AMMECR1: variants seen among roughly 807,000 people sequenced by gnomAD.
The protein encoded by AMMECR1 is nuclear protein AMMECR1.
A neutral mutation model predicts 22.5 loss-of-function variants in AMMECR1; 3 were observed. The observed-to-expected ratio is 0.13, with a 90% confidence interval of 0.06 to 0.35. The LOEUF (loss-of-function observed/expected upper bound fraction) is 0.35, where lower values mean the gene tolerates loss of function less well. AMMECR1 is among the 10% of genes least tolerant of loss of function. AMMECR1 has a pLI of 1.00. For synonymous variants in AMMECR1, 130 were observed against 116.7 expected, an observed-to-expected ratio of 1.11 and a Z score of -0.74; for missense variants, 235 against 278.7, an observed-to-expected ratio of 0.84 and a Z score of 1.12.
At chrX:110,344,565 G>C (rs772477254) in intron 2 of AMMECR1, among the ~76,000 whole-genome samples, 3 of 110,656 alleles carry the variant, frequency 2.7e-5, no homozygotes, top group Non-Finnish European at 5.6e-5. Flanking sequence ...GCAACCTATG[G>C]AATGGGAGAA....
At chrX:110,389,062 A>G (rs187393497) in intron 2 of AMMECR1, among the ~76,000 whole-genome samples, 2 of 112,505 alleles carry the variant, frequency 1.8e-5, no homozygotes, top group African/African-American at 6.5e-5. Flanking sequence ...AGATATTAAT[A>G]GGTAGGCAAT....
rs1232025318 is a variant in AMMECR1 at position 110,344,666 on chromosome X, C to T, written c.-147-26817G>A. ...TTCACAAGAAAAAAACAAACAACCC[C>T]ATCAAAAAGTGGGCAAAGGATATGA... On this transcript the variant is annotated intron_variant, in intron 2 of 7. Coordinates refer to the AMMECR1 transcript ENST00000372057. Among the ~76,000 whole-genome samples the T allele has an allele frequency of 3.6e-5, 4 of 111,250 alleles. No homozygotes were observed. The East Asian group carries it at 1.1e-3, about 31-fold the overall frequency.
chrX:110,352,057 C>T (rs61521550), intron 2 of AMMECR1, among the ~76,000 whole-genome samples: 6,954 of 111,428 alleles, frequency 0.062, 531 homozygotes, highest in African/African-American at 0.21. Context: ...GTGGCTATAA[C>T]TTTTTTTAAA....
chrX:110,404,262 C>T (rs1201835160), intron 2 of AMMECR1, among the ~76,000 whole-genome samples: 2 of 111,686 alleles, frequency 1.8e-5, no homozygotes, highest in South Asian at 7.6e-4. Flanking sequence ...TTTCCAATCC[C>T]TTAATCGTCT....
intron 2 of AMMECR1, among the ~76,000 whole-genome samples, chrX:110,337,935 A>G (rs769214245): frequency 8.9e-6 from 1 of 112,510 alleles, no homozygotes; most frequent in African/African-American, 3.2e-5. Flanking sequence ...AACCTTGAGG[A>G]CATTATGCTA....
At chrX:110,381,907 A>C (rs1019702617) in intron 2 of AMMECR1, among the ~76,000 whole-genome samples, 3 of 111,296 alleles carry the variant, frequency 2.7e-5, no homozygotes, top group African/African-American at 9.8e-5. Context: ...TAAGGACTCC[A>C]AAAACTATCT....
intron 2 of AMMECR1, among the ~76,000 whole-genome samples, chrX:110,339,401 T>TAAAAAAA (rs10664998): frequency 2.0e-5 from 1 of 48,958 alleles, no homozygotes; most frequent in Non-Finnish European, 3.9e-5. Flanking sequence ...TGGTTTGTTG[T>TAAAAAAA]AAAAAAAAAA....
upstream of AMMECR1, chrX:110,318,097 G>A: frequency 8.7e-7 from 1 of 1,147,918 alleles, no homozygotes; most frequent in Admixed American, 2.5e-5. Context: ...CCCACGCAGC[G>A]TTTCCGACCC....
intron 2 of AMMECR1, among the ~76,000 whole-genome samples, chrX:110,258,610 A>T (rs141278866): frequency 0.012 from 1,357 of 112,184 alleles, 23 homozygotes; most frequent in African/African-American, 0.04. Flanking sequence ...TGTAAATTAA[A>T]CTAATTAATT....
intron 2 of AMMECR1, among the ~76,000 whole-genome samples, chrX:110,422,846 G>C (rs1018899277): frequency 8.9e-6 from 1 of 112,219 alleles, no homozygotes; most frequent in African/African-American, 3.2e-5. Context: ...TTGCCTTGGC[G>C]AACAGCCAAT....
intron 2 of AMMECR1, among the ~76,000 whole-genome samples, chrX:110,378,360 G>A (rs1288661629): frequency 9.0e-6 from 1 of 110,992 alleles, no homozygotes; most frequent in African/African-American, 3.3e-5. Flanking sequence ...TGACTGTTGC[G>A]ATAGCCTCCT....
At chrX:110,337,927 C>T (rs896843654) in intron 2 of AMMECR1, among the ~76,000 whole-genome samples, 1 of 112,071 alleles carries the variant, frequency 8.9e-6, no homozygotes, top group Non-Finnish European at 1.9e-5. Flanking sequence ...CATGGGTGAA[C>T]CTTGAGGACA....
chrX:110,196,339 G>C lies in AMMECR1; in HGVS notation c.*2181C>G, dbSNP rs1602768912. The C allele has an allele frequency of 2.7e-5, 3 of 110,335 alleles. No individual in the cohort carries two copies. In the South Asian group the frequency reaches 1.1e-3, roughly 42 times the overall value. The allele number at this position is 110,335 out of a possible 1,213,427, so 9.1% of individuals were successfully genotyped here. A position where few individuals can be genotyped will look rare whatever the true frequency, so the allele number is the denominator to read the frequency against. On this transcript the variant is annotated 3_prime_UTR_variant, in exon 6 of 6. Transcript: ENST00000262844. ...TTTCACGATAATATTGGTCTATTTT[G>C]TCTCTCTTCAGTTTGCTTGTTTTAT...
At chrX:110,306,480 C>T (rs1048368179) in intron 1 of AMMECR1, among the ~76,000 whole-genome samples, 4 of 109,823 alleles carry the variant, frequency 3.6e-5, no homozygotes, top group Non-Finnish European at 3.8e-5. Flanking sequence ...ATTTTTGAGA[C>T]GGAGTTTCAG....
chrX:110,344,177 A>T (rs1206441777), intron 2 of AMMECR1, among the ~76,000 whole-genome samples: 1 of 112,017 alleles, frequency 8.9e-6, no homozygotes, highest in African/African-American at 3.2e-5. Flanking sequence ...CAGAGCCCTC[A>T]GAAATAATAC....
chrX:110,260,514 T>G (rs2067734987), intron 2 of AMMECR1, among the ~76,000 whole-genome samples: 1 of 110,436 alleles, frequency 9.1e-6, no homozygotes, highest in African/African-American at 3.3e-5. Context: ...ACAAGTACTT[T>G]AATTCTAAAA....
At chrX:110,326,419 C>T (rs2068098069) in intron 2 of AMMECR1, among the ~76,000 whole-genome samples, 3 of 111,927 alleles carry the variant, frequency 2.7e-5, no homozygotes, top group African/African-American at 9.7e-5. Context: ...TTGTGAATTT[C>T]CCAAATTTCC....
At chrX:110,325,180 C>G (rs2068093314) in intron 2 of AMMECR1, among the ~76,000 whole-genome samples, 1 of 111,570 alleles carries the variant, frequency 9.0e-6, no homozygotes, top group African/African-American at 3.3e-5. Context: ...ATTTTTTATG[C>G]ATTCATAGTG....
At chrX:110,288,935 C>T (rs905449856) in intron 1 of AMMECR1, among the ~76,000 whole-genome samples, 7 of 111,467 alleles carry the variant, frequency 6.3e-5, no homozygotes, top group African/African-American at 2.3e-4. Flanking sequence ...AATTTTAAGC[C>T]ACTCCACTCT....
Sources: gnomAD v4.1 joint callset for allele counts (sites outside exome capture counted in the v4.1 genomes callset) on GRCh38, gnomAD v4.1.1 for gene constraint, MANE v1.5 for transcripts, NCBI Gene and HGNC (gene_info 2026-07-23, HGNC 2026-07-21) for gene names.